Variants in STK32C observed in about 807,000 individuals in gnomAD.
STK32C encodes serine/threonine-protein kinase 32C.
STK32C carries 31 observed loss-of-function variants against 56.5 expected under a neutral mutation model. The observed-to-expected ratio is 0.55, with a 90% confidence interval of 0.41 to 0.74. The LOEUF (loss-of-function observed/expected upper bound fraction) is 0.74. STK32C is among the 30% of genes least tolerant of loss of function. The pLI is 0.00. For missense variants in STK32C, 544 were observed against 676.9 expected, an observed-to-expected ratio of 0.80 and a Z score of 2.18; for synonymous variants, 309 against 289.4, an observed-to-expected ratio of 1.07 and a Z score of -0.69.
intron 1 of STK32C, among the ~76,000 whole-genome samples, chr10:132,279,782 C>G (rs985933633): frequency 9.9e-5 from 15 of 150,852 alleles, no homozygotes; most frequent in African/African-American, 3.2e-4. Context: ...CCCCTGTACT[C>G]GGTGATCACA....
intron 1 of STK32C, among the ~76,000 whole-genome samples, chr10:132,261,332 A>G (rs2064300038): frequency 6.6e-6 from 1 of 152,194 alleles, no homozygotes; most frequent in Non-Finnish European, 1.5e-5. Context: ...ATTTTTATAC[A>G]CCAATAACAT....
chr10:132,263,764 G>A (rs1252218406), intron 1 of STK32C, among the ~76,000 whole-genome samples: 2 of 150,570 alleles, frequency 1.3e-5, no homozygotes, highest in African/African-American at 4.9e-5. Flanking sequence ...TACTCGGGAG[G>A]CTGAGGCATA....
At chr10:132,211,077 T>A (rs2062283921) in intron 10 of STK32C, among the ~76,000 whole-genome samples, 2 of 152,232 alleles carry the variant, frequency 1.3e-5, no homozygotes, top group South Asian at 4.1e-4. Context: ...GGCTTTGCCC[T>A]GTCACTGTGG....
At chr10:132,242,400 G>T (rs2063536053) in intron 2 of STK32C, among the ~76,000 whole-genome samples, 1 of 152,176 alleles carries the variant, frequency 6.6e-6, no homozygotes, top group Non-Finnish European at 1.5e-5. Flanking sequence ...GTTTGGAGCA[G>T]AAACCACTGG....
intron 1 of STK32C, among the ~76,000 whole-genome samples, chr10:132,274,805 G>C (rs542918637): frequency 6.6e-6 from 1 of 152,190 alleles, no homozygotes; most frequent in Non-Finnish European, 1.5e-5. Context: ...GTCACCTGTC[G>C]CTCCGCCGCA....
intron 1 of STK32C, chr10:132,249,149 G>A (rs532890554): frequency 1.4e-5 from 6 of 436,098 alleles, no homozygotes; most frequent in South Asian, 3.2e-5. Context: ...CGTGCAGGGG[G>A]CGGGGCGTGC....
At chr10:132,319,036 C>T (rs754021100) in intron 1 of STK32C, among the ~76,000 whole-genome samples, 1 of 152,210 alleles carries the variant, frequency 6.6e-6, no homozygotes, top group Non-Finnish European at 1.5e-5. Flanking sequence ...GCAACCTCCA[C>T]GTCCTGGGTT....
intron 10 of STK32C, among the ~76,000 whole-genome samples, chr10:132,210,274 C>T (rs979033256): frequency 2.6e-5 from 4 of 152,186 alleles, no homozygotes; most frequent in African/African-American, 4.8e-5. Context: ...TCCATGGATC[C>T]TATTTTTGGT....
intron 1 of STK32C, among the ~76,000 whole-genome samples, chr10:132,277,768 C>T (rs757377647): frequency 9.9e-5 from 15 of 152,182 alleles, no homozygotes; most frequent in Admixed American, 5.9e-4. Flanking sequence ...CAAGTGCACA[C>T]ACACATGCAC....
intron 2 of STK32C, among the ~76,000 whole-genome samples, chr10:132,236,131 CA>C (rs1225429846): frequency 6.6e-6 from 1 of 151,916 alleles, no homozygotes; most frequent in Non-Finnish European, 1.5e-5. Flanking sequence ...AGAGTTGAGG[CA>C]ATGCTTCCGT....
In STK32C at chr10:132,235,567, G is replaced by A. The variant is rs376746308; in HGVS notation, c.319-7439C>T. Among the ~76,000 whole-genome samples the A allele has an allele frequency of 2.3e-4, 34 of 150,370 alleles. No individual in the cohort carries two copies. In the East Asian group the frequency reaches 6.4e-3, roughly 29 times the overall value. On this transcript the variant is annotated intron_variant, in intron 2 of 11. Coordinates refer to ENST00000298630, the MANE Select transcript of STK32C (RefSeq NM_173575.4). ...TATGAACTAAAATCTTTTTTACAAG[G>A]GATATTTCTAGAAGGAAGGAGAAGG...
chr10:132,267,341 G>A (rs1387554361), intron 1 of STK32C, among the ~76,000 whole-genome samples: 4 of 152,268 alleles, frequency 2.6e-5, no homozygotes, highest in African/African-American at 4.8e-5. Flanking sequence ...CTATGTGTGC[G>A]TGTGCCTGTG....
chr10:132,247,740 A>G (rs1000646363), intron 1 of STK32C, among the ~76,000 whole-genome samples: 3 of 152,122 alleles, frequency 2.0e-5, no homozygotes, highest in African/African-American at 7.2e-5. Flanking sequence ...TCTCCTCTGC[A>G]CAAGACGGTA....
chr10:132,273,413 T>C (rs1009100882), intron 1 of STK32C, among the ~76,000 whole-genome samples: 1 of 152,040 alleles, frequency 6.6e-6, no homozygotes, highest in Non-Finnish European at 1.5e-5. Context: ...CAAAGCCCTG[T>C]TGAGTGAATG....
chr10:132,331,789 G>A, exon 1 of STK32C: 2 of 1,605,474 alleles, frequency 1.2e-6, no homozygotes, highest in East Asian at 2.2e-5. Flanking sequence ...CCAGACCCTC[G>A]CGGTCTCTAC....
chr10:132,332,091 C>A (rs1008345615), upstream of STK32C: 3 of 240,344 alleles, frequency 1.2e-5, no homozygotes, highest in Non-Finnish European at 2.4e-5. Context: ...GCGCACCACA[C>A]CCCTCGCGCA....
exon 2 of STK32C, chr10:132,324,148 C>G (rs1396582171): frequency 2.8e-6 from 2 of 703,626 alleles, no homozygotes; most frequent in Non-Finnish European, 2.6e-6. Context: ...AAATGGAGGC[C>G]AAGAGCTGGG....
chr10:132,225,886 C>T lies in STK32C; in HGVS notation c.645-102G>A, dbSNP rs1205362573. The T allele has an allele frequency of 4.1e-6, 6 of 1,474,860 alleles. No individual in the cohort carries two copies. In the East Asian group the frequency reaches 1.4e-4, roughly 33 times the overall value. 91.4% of individuals were successfully genotyped at this position (1,474,860 alleles called of 1,614,324 possible). On this transcript the variant is annotated intron_variant, in intron 4 of 11. Coordinates refer to ENST00000298630, the MANE Select transcript of STK32C (RefSeq NM_173575.4). ...GGAGTCCCCAGGACATCCCACCAAC[C>T]CACTCGAGGCAGAGGCCTGGGAGCT...
chr10:132,331,784 C>A (rs12778987), exon 1 of STK32C: 318,028 of 1,606,958 alleles, frequency 0.2, 35,032 homozygotes, highest in Non-Finnish European at 0.23. Context: ...CCCCTCCAGA[C>A]CCTCGCGGTC....
Sources: allele counts gnomAD v4.1 joint callset (sites outside exome capture counted in the v4.1 genomes callset), GRCh38; gene constraint gnomAD v4.1.1; transcripts MANE v1.5; gene names NCBI Gene and HGNC (gene_info 2026-07-23, HGNC 2026-07-21).